Variants in IDH2 observed in about 807,000 individuals in gnomAD.
IDH2 encodes the protein isocitrate dehydrogenase (NADP(+)) 2.
IDH2 carries 18 observed loss-of-function variants against 50.5 expected under a neutral mutation model. The observed-to-expected ratio is 0.36, with a 90% CI of 0.25 to 0.53. IDH2 has a LOEUF of 0.53. Ranked by LOEUF, IDH2 falls within the 20% of genes least tolerant of loss-of-function variation. IDH2 has a pLI of 0.92. For synonymous variants in IDH2, 280 were observed against 239.8 expected (o/e 1.17, Z -1.55); for missense variants, 518 against 610.7 (o/e 0.85, Z 1.60).
Position 90,084,881 on chromosome 15 carries a change from G to A in IDH2, c.1206C>T (p.Cys402=), listed in dbSNP as rs780400149. The change falls in exon 10 of 11, where the codon TGC becomes TGT. Residue 402 remains cysteine (C), a synonymous_variant. Coordinates refer to ENST00000330062, the MANE Select transcript of IDH2 (RefSeq NM_002168.4). This position sits in a 1 kb window ranked among gnomAD's most constrained non-coding sequence, Gnocchi z 5.0. ...TGGCTCCACTCTCCACCGTCTCCAC[G>A]CACACCTTCTCCAGCATCTGGGCAA... is the stretch of plus-strand genomic sequence containing the variant. ...IRFAQMLEKV[C]VETVESGAMT... 1.1e-5 allele frequency: 18 copies of A among 1,613,860 alleles called. No individual in the cohort carries two copies. Among genetic ancestry groups the A allele is most frequent in the South Asian group, 7.7e-5 (7 of 91,088 alleles).
Position 90,084,188 on chromosome 15 carries a change from C to T in IDH2, c.*78G>A. The stretch of plus-strand genomic sequence containing the variant: ...AGGCCTCCAGAGAGGGGCTGTGAGG[C>T]TCACCCTCTGCCGCGCTCAGGAGGA... On this transcript the variant is annotated 3_prime_UTR_variant, in exon 11 of 11. Coordinates refer to ENST00000330062, the MANE Select transcript of IDH2 (RefSeq NM_002168.4). This position sits in a 1 kb window ranked among gnomAD's most constrained non-coding sequence, Gnocchi z 5.0. 8.5e-7 allele frequency: 1 copy of T among 1,181,104 alleles called. No homozygotes were observed. Among genetic ancestry groups the T allele is most frequent in the Non-Finnish European group, 1.2e-6 (1 of 804,662 alleles). 73.2% of individuals were successfully genotyped at this position (1,181,104 alleles called of 1,614,324 possible). A position where few individuals can be genotyped will look rare whatever the true frequency, so the allele number is the denominator to read the frequency against.
At position 90,098,978 on chromosome 15, in the gene IDH2, G is replaced by C. The variant is rs1376725573; in HGVS notation, c.115+3298C>G. Among the ~76,000 whole-genome samples, 2 of 152,068 alleles carry C rather than the reference G, an allele frequency of 1.3e-5. No homozygotes were observed. Among genetic ancestry groups the C allele is most frequent in the African/African-American group, 4.8e-5 (2 of 41,412 alleles). ...TAAGTGAGTGCCTGCTGCGTATCTA[G>C]ATTTTTATGTAAAATCGCCTGAATT... On this transcript the variant is annotated intron_variant, in intron 1 of 10. Transcript: ENST00000330062. This position sits in a 1 kb window ranked among gnomAD's most constrained non-coding sequence, Gnocchi z 5.1.
At chr15:90,097,552 G>A (rs917715976) in intron 1 of IDH2, among the ~76,000 whole-genome samples, 13 of 152,202 alleles carry the variant, frequency 8.5e-5, no homozygotes, top group African/African-American at 2.9e-4. Context: ...TGCTAACTAA[G>A]TGAAATAAAC....
chr15:90,099,199 C>T (rs1005226645), intron 1 of IDH2, among the ~76,000 whole-genome samples: 1 of 152,110 alleles, frequency 6.6e-6, no homozygotes, highest in Non-Finnish European at 1.5e-5. Flanking sequence ...AAAGCGAAAG[C>T]TCTCAAAAAT....
chr15:90,089,707 A>G (rs1049543752), intron 3 of IDH2, among the ~76,000 whole-genome samples: 3 of 152,186 alleles, frequency 2.0e-5, no homozygotes, highest in African/African-American at 7.2e-5. Context: ...GTAGGAAGAG[A>G]GAGCTCAGAA....
rs561368494 is a variant in IDH2, at chr15:90,085,444, G to A, written c.968-57C>T. On this transcript the variant is annotated intron_variant, in intron 7 of 10. Coordinates refer to ENST00000330062, the MANE Select transcript of IDH2 (RefSeq NM_002168.4). This position sits in a 1 kb window ranked among gnomAD's most constrained non-coding sequence, Gnocchi z 5.5. ...TCGCCTCTCCTGGGGCCACCCAGCT[G>A]AGCCCTGCTGCCCTCTACAACCCAA... 6.6e-6 allele frequency: 8 copies of A among 1,209,698 alleles called. No homozygotes were observed. The East Asian group carries it at 2.0e-4, about 31-fold the overall frequency. The allele number at this position is 1,209,698 out of a possible 1,614,324, so 74.9% of individuals were successfully genotyped here.
At chr15:90,087,688 C>T (rs1485921479) in intron 5 of IDH2, 113 bp from the exon 6 acceptor site, 28 of 1,239,262 alleles carry the variant, frequency 2.3e-5, no homozygotes, top group Non-Finnish European at 3.1e-5. Flanking sequence ...CCGCCGCCCA[C>T]GCGACTGTTT....
Position 90,088,758 on chromosome 15 carries a change from A to G in IDH2, c.374-11T>C, listed in dbSNP as rs1900946830. The G allele has an allele frequency of 1.9e-6, 3 of 1,613,964 alleles. No individual in the cohort carries two copies. Among genetic ancestry groups the G allele is most frequent in the East Asian group, 2.2e-5 (1 of 44,866 alleles). ...TCTTCAGCTTGAACTCTGTGAGGAC[A>G]GAGATAATAGTGGTCCCACTGCAGC... On this transcript the variant is annotated splice_polypyrimidine_tract_variant and intron_variant, in intron 3 of 10. Coordinates refer to ENST00000330062, the MANE Select transcript of IDH2 (RefSeq NM_002168.4).
chr15:90,088,503 C>T lies in IDH2; in HGVS notation c.535-1G>A, dbSNP rs2151549338. On this transcript the variant is annotated splice_acceptor_variant, in intron 4 of 10. Coordinates refer to ENST00000330062, the MANE Select transcript of IDH2 (RefSeq NM_002168.4). LOFTEE classifies it high-confidence loss of function. ...CTGCCACAAAGTCTGTGGCCTTGTA[C>T]TGCAGAGACAAGAGGATGGCTAGGC... 1 of 1,614,250 alleles carries T rather than the reference C, an allele frequency of 6.2e-7. No individual in the cohort carries two copies. The highest frequency in any genetic ancestry group is 8.5e-7 in the Non-Finnish European group (1 of 1,180,046).
Position 90,088,513 on chromosome 15 carries a change from A to G in IDH2, c.535-11T>C, listed in dbSNP as rs766940477. 14 of 1,614,110 alleles carry G rather than the reference A, an allele frequency of 8.7e-6. No individual in the cohort carries two copies. The African/African-American group carries it at 1.2e-4, about 14-fold the overall frequency. ...GTCTGTGGCCTTGTACTGCAGAGAC[A>G]AGAGGATGGCTAGGCGAGGAGCTCC... On this transcript the variant is annotated splice_polypyrimidine_tract_variant and intron_variant, in intron 4 of 10. Coordinates refer to ENST00000330062, the MANE Select transcript of IDH2 (RefSeq NM_002168.4).
chr15:90,100,657 A>G lies in IDH2; in HGVS notation c.115+1619T>C, dbSNP rs1229443041. On this transcript the variant is annotated intron_variant, in intron 1 of 10. Coordinates refer to ENST00000330062, the MANE Select transcript of IDH2 (RefSeq NM_002168.4). This position sits in a 1 kb window ranked among gnomAD's most constrained non-coding sequence, Gnocchi z 4.1. ...GCGTGCAGGAATTACCAGGCAGCAA[A>G]GACACGGGGCTCTTTTAGCCCCAAA... 1.0e-6 allele frequency: 1 copy of G among 985,248 alleles called. No homozygotes were observed. Among genetic ancestry groups the G allele is most frequent in the Admixed American group, 6.1e-5 (1 of 16,272 alleles). The allele number at this position is 985,248 out of a possible 1,614,324, so 61.0% of individuals were successfully genotyped here. A position where few individuals can be genotyped will look rare whatever the true frequency, so the allele number is the denominator to read the frequency against.
intron 7 of IDH2, among the ~76,000 whole-genome samples, 159 bp downstream of exon 7, chr15:90,086,953 C>T (rs997840148): frequency 6.6e-6 from 1 of 152,162 alleles, no homozygotes; most frequent in Non-Finnish European, 1.5e-5. Flanking sequence ...GATCCTCTCT[C>T]ACTCAGATGC....
At chr15:90,093,628 T>A in intron 1 of IDH2, among the ~76,000 whole-genome samples, 1 of 152,148 alleles carries the variant, frequency 6.6e-6, no homozygotes, top group Non-Finnish European at 1.5e-5. Flanking sequence ...ATTTATTTAT[T>A]TATTTTTTGA....
rs1361470244 is a variant in IDH2, at chr15:90,084,437, A to G, written c.1272-84T>C. On this transcript the variant is annotated intron_variant, in intron 10 of 10. Coordinates refer to ENST00000330062, the MANE Select transcript of IDH2 (RefSeq NM_002168.4). This position sits in a 1 kb window ranked among gnomAD's most constrained non-coding sequence, Gnocchi z 5.0. ...CCAGGCCCTTCCAGGGAACAGCCTG[A>G]GCTTGGGCATCAGAACAGCCATCTC... 1.6e-6 allele frequency: 2 copies of G among 1,267,076 alleles called. No homozygotes were observed. Among genetic ancestry groups the G allele is most frequent in the Admixed American group, 3.9e-5 (2 of 51,694 alleles). The allele number at this position is 1,267,076 out of a possible 1,614,324, so 78.5% of individuals were successfully genotyped here. A position where few individuals can be genotyped will look rare whatever the true frequency, so the allele number is the denominator to read the frequency against.
intron 1 of IDH2, among the ~76,000 whole-genome samples, chr15:90,091,848 G>A (rs535537551): frequency 1.4e-4 from 21 of 152,322 alleles, no homozygotes; most frequent in African/African-American, 3.6e-4. Context: ...GACTAGTACC[G>A]TGGGCTCTGG....
chr15:90,089,103 G>C (rs1468508870), intron 3 of IDH2, among the ~76,000 whole-genome samples: 1 of 151,668 alleles, frequency 6.6e-6, no homozygotes, highest in Non-Finnish European at 1.5e-5. Flanking sequence ...TAGGAGAGAT[G>C]GGGTTTCTCC....
rs144712130 is a variant in IDH2, at chr15:90,088,692, C to G, written c.429G>C (p.Leu143=). The G allele has an allele frequency of 1.4e-3, 2,271 of 1,614,124 alleles. 30 individuals carry two copies. In the African/African-American group the frequency reaches 0.026, roughly 19 times the overall value. The part of the protein sequence containing the change: ...KSPNGTIRNI[L]GGTVFREPII... The stretch of plus-strand genomic sequence containing the variant: ...TGGGCTCCCGGAAGACAGTCCCCCC[C>G]AGGATGTTCCGGATAGTTCCATTGG... Residue 143 remains leucine (L), a synonymous_variant, in exon 4 of 11, where the codon CTG becomes CTC. Coordinates refer to ENST00000330062, the MANE Select transcript of IDH2 (RefSeq NM_002168.4).
At chr15:90,090,240 T>C (rs1900996476) in intron 3 of IDH2, among the ~76,000 whole-genome samples, 1 of 152,120 alleles carries the variant, frequency 6.6e-6, no homozygotes, top group Admixed American at 6.5e-5. Flanking sequence ...GGCCAGCCCC[T>C]TACCCACGCC....
chr15:90,092,114 T>C (rs968220980), intron 1 of IDH2, among the ~76,000 whole-genome samples: 13 of 152,190 alleles, frequency 8.5e-5, no homozygotes, highest in East Asian at 3.8e-4. Flanking sequence ...GACCCCCCGA[T>C]TGTACATTAT....
Sources: gnomAD v4.1 joint callset for allele counts (sites outside exome capture counted in the v4.1 genomes callset) on GRCh38, gnomAD v4.1.1 for gene constraint, Gnocchi (gnomAD v3.1) non-coding constraint, MANE v1.5 for transcripts, NCBI Gene and HGNC (gene_info 2026-07-23, HGNC 2026-07-21) for gene names.